Variants in KIF26B observed in about 807,000 individuals in gnomAD.
The protein encoded by KIF26B is kinesin family member 26B.
A neutral mutation model predicts 151.2 loss-of-function variants in KIF26B; 63 were observed. The ratio of observed to expected loss-of-function variants is 0.42; its 90% CI spans 0.34 to 0.51. KIF26B has a LOEUF of 0.51. Ranked by LOEUF, KIF26B falls within the 20% of genes least tolerant of loss-of-function variation. The pLI is 0.07. For missense variants in KIF26B, 2,813 were observed against 2,913.6 expected (o/e 0.97, Z 0.79); for synonymous variants, 1,357 against 1,262.1 (o/e 1.08, Z -1.59).
At chr1:245,589,967 C>T (rs2043268562) in intron 5 of KIF26B, among the ~76,000 whole-genome samples, 1 of 152,232 alleles carries the variant, frequency 6.6e-6, no homozygotes, top group African/African-American at 2.4e-5. Flanking sequence ...TTCTCCAAGC[C>T]AAATAGCATC....
chr1:245,403,389 T>C (rs73132050), intron 3 of KIF26B, among the ~76,000 whole-genome samples: 7,676 of 152,300 alleles, frequency 0.05, 671 homozygotes, highest in African/African-American at 0.17. Flanking sequence ...CTTTATTCTA[T>C]TTCCTCAGTG....
chr1:245,569,027 T>C (rs1006102197), intron 5 of KIF26B, among the ~76,000 whole-genome samples: 1 of 152,148 alleles, frequency 6.6e-6, no homozygotes, highest in Non-Finnish European at 1.5e-5. Flanking sequence ...TGGGCTCAGA[T>C]GAGAAATAGC....
chr1:245,556,257 T>C (rs1662024762), intron 5 of KIF26B, among the ~76,000 whole-genome samples: 1 of 126,896 alleles, frequency 7.9e-6, no homozygotes. Context: ...TCTTCCTCCT[T>C]CCTCCCTCCT....
intron 10 of KIF26B, among the ~76,000 whole-genome samples, chr1:245,668,191 C>T (rs112144720): frequency 0.012 from 1,864 of 152,268 alleles, 40 homozygotes; most frequent in African/African-American, 0.042. Flanking sequence ...CCACCAAGCC[C>T]GGCCCCCTAT....
At chr1:245,668,627 A>G (rs1223553366) in intron 10 of KIF26B, among the ~76,000 whole-genome samples, 1 of 152,330 alleles carries the variant, frequency 6.6e-6, no homozygotes, top group South Asian at 2.1e-4. Flanking sequence ...GTGCCAGTCC[A>G]GTTATCCAGT....
At chr1:245,650,028 T>C (rs1013466851) in intron 10 of KIF26B, among the ~76,000 whole-genome samples, 5 of 152,202 alleles carry the variant, frequency 3.3e-5, no homozygotes, top group African/African-American at 4.8e-5. Context: ...GCACATTACA[T>C]GGCACAGGCT....
chr1:245,335,536 C>T (rs1005058211), intron 2 of KIF26B, among the ~76,000 whole-genome samples: 21 of 152,276 alleles, frequency 1.4e-4, no homozygotes, highest in Middle Eastern at 3.4e-3. Context: ...TGCCCATCAA[C>T]GCCTGCAGGG....
chr1:245,426,602 C>T (rs1200239488), intron 4 of KIF26B, among the ~76,000 whole-genome samples: 1 of 152,210 alleles, frequency 6.6e-6, no homozygotes, highest in African/African-American at 2.4e-5. Context: ...ATGTCACTGA[C>T]TGTTGTATGA....
chr1:245,211,507 C>T (rs1219869203), intron 2 of KIF26B, among the ~76,000 whole-genome samples: 1 of 152,070 alleles, frequency 6.6e-6, no homozygotes, highest in Non-Finnish European at 1.5e-5. Flanking sequence ...AAGCAATCCT[C>T]CTGCCTCAGC....
chr1:245,684,492 C>A, intron 11 of KIF26B, 97 bp downstream of exon 11: 2 of 1,245,956 alleles, frequency 1.6e-6, no homozygotes, highest in South Asian at 1.5e-5. Context: ...CGTTGCCAAT[C>A]CCCCAGCATC....
intron 3 of KIF26B, among the ~76,000 whole-genome samples, chr1:245,405,610 G>C (rs573085604): frequency 6.8e-6 from 1 of 146,340 alleles, no homozygotes; most frequent in East Asian, 2.0e-4. Context: ...GAGTTCTGCT[G>C]TCCTATTGAT....
chr1:245,682,905 G>GCTCCTCCTC (rs35122706), intron 10 of KIF26B, among the ~76,000 whole-genome samples: 1 of 151,408 alleles, frequency 6.6e-6, no homozygotes, highest in African/African-American at 2.4e-5. Context: ...AACTTTCACA[G>GCTCCTCCTC]CTCCTCCTCC....
chr1:245,342,902 A>T (rs896716127), intron 2 of KIF26B, among the ~76,000 whole-genome samples: 6 of 152,126 alleles, frequency 3.9e-5, no homozygotes, highest in Non-Finnish European at 7.4e-5. Context: ...CCTGGCCAAC[A>T]TGGTGAAACC....
At position 245,380,465 on chromosome 1, in the gene KIF26B, T is replaced by A. The variant is rs144193983; in HGVS notation, c.999+13098T>A. On this transcript the variant is annotated intron_variant, in intron 3 of 14. Transcript: ENST00000407071. ...CACCGTCCATTAGGCTGCAAGGCGCTGCGTCGCCAGGGAGGTTGACCCCAC... is the reference window on the plus strand; with the variant it reads ...CACCGTCCATTAGGCTGCAAGGCGCAGCGTCGCCAGGGAGGTTGACCCCAC... Among the ~76,000 whole-genome samples, 1,072 of 152,318 alleles carry A rather than the reference T, an allele frequency of 7.0e-3. 3 individuals are homozygous for A. The highest frequency in any genetic ancestry group is 0.01 in the Middle Eastern group (3 of 294).
intron 2 of KIF26B, among the ~76,000 whole-genome samples, chr1:245,330,044 C>T (rs558950900): frequency 8.6e-5 from 13 of 151,980 alleles, no homozygotes; most frequent in South Asian, 6.2e-4. Context: ...TGGGCTCAAC[C>T]GATCTGAAGT....
intron 2 of KIF26B, among the ~76,000 whole-genome samples, chr1:245,321,564 C>T (rs1671887225): frequency 1.3e-5 from 2 of 152,204 alleles, no homozygotes; most frequent in Admixed American, 6.5e-5. Flanking sequence ...GTAGCCTAGC[C>T]ATGCTAGGCT....
intron 3 of KIF26B, among the ~76,000 whole-genome samples, chr1:245,402,838 A>G (rs1330741028): frequency 6.6e-6 from 1 of 152,224 alleles, no homozygotes; most frequent in African/African-American, 2.4e-5. Flanking sequence ...ATAGTGGTTT[A>G]GATTCTAGAC....
At chr1:245,365,973 T>A (rs369783424) in intron 2 of KIF26B, among the ~76,000 whole-genome samples, 1 of 152,154 alleles carries the variant, frequency 6.6e-6, no homozygotes, top group African/African-American at 2.4e-5. Flanking sequence ...TCTCACTGAA[T>A]CCATTAAATG....
chr1:245,682,140 G>A (rs2044447974), intron 10 of KIF26B, among the ~76,000 whole-genome samples: 1 of 152,168 alleles, frequency 6.6e-6, no homozygotes, highest in South Asian at 2.1e-4. Context: ...AGCTACTCCG[G>A]AGGCTGAGGC....
Sources: allele counts gnomAD v4.1 joint callset (sites outside exome capture counted in the v4.1 genomes callset), GRCh38; gene constraint gnomAD v4.1.1; transcripts MANE v1.5; gene names NCBI Gene and HGNC (gene_info 2026-07-23, HGNC 2026-07-21).